The following SATB2 variants were observed in gnomAD, a reference collection of about 807,000 sequenced individuals.
SATB2 encodes the protein SATB homeobox 2.
A neutral mutation model predicts 73.4 loss-of-function variants in SATB2; 1 was observed. The ratio of observed to expected loss-of-function variants is 0.01; its 90% CI spans 0.00 to 0.06. The LOEUF (loss-of-function observed/expected upper bound fraction) is 0.06, where lower values mean the gene tolerates loss of function less well. Ranked by LOEUF, SATB2 falls within the 10% of genes least tolerant of loss-of-function variation. SATB2 has a pLI of 1.00. For missense variants in SATB2, 459 were observed against 945.8 expected, an observed-to-expected ratio of 0.49 and a Z score of 6.75; for synonymous variants, 397 against 367.0, an observed-to-expected ratio of 1.08 and a Z score of -0.93.
rs902390068 is a variant in SATB2 at position 199,395,758 on chromosome 2, C to A, written c.347-13938G>T. On this transcript the variant is annotated intron_variant, in intron 3 of 10. Coordinates refer to ENST00000417098, the MANE Select transcript of SATB2 (RefSeq NM_001172509.2). The stretch of plus-strand genomic sequence containing the variant: ...AAAAGCTTTGCAATTCTTGCCCTTG[C>A]TATCAAATTACTTGAAGACACAAAA... 5 of 152,274 alleles carry A rather than the reference C, an allele frequency of 3.3e-5. No homozygotes were observed. The East Asian group carries it at 9.6e-4, about 29-fold the overall frequency. 9.4% of individuals were successfully genotyped at this position (152,274 alleles called of 1,614,324 possible).
intron 10 of SATB2, among the ~76,000 whole-genome samples, chr2:199,286,591 G>A (rs769124169): frequency 1.3e-5 from 2 of 151,980 alleles, no homozygotes; most frequent in African/African-American, 2.4e-5. Flanking sequence ...ACCATCCCCA[G>A]CCCACCCACC....
chr2:199,421,497 C>T (rs1691167848), intron 3 of SATB2, among the ~76,000 whole-genome samples: 1 of 152,214 alleles, frequency 6.6e-6, no homozygotes, highest in Non-Finnish European at 1.5e-5. Context: ...AAATCTCCAT[C>T]CTACTGCACA....
At chr2:199,439,272 T>C (rs1397521905) in intron 2 of SATB2, among the ~76,000 whole-genome samples, 1 of 152,228 alleles carries the variant, frequency 6.6e-6, no homozygotes, top group Non-Finnish European at 1.5e-5. Flanking sequence ...CCACCAGCAC[T>C]CCTGAATGAC....
At position 199,348,423 on chromosome 2, in the gene SATB2, G is replaced by C. The variant is rs150912592; in HGVS notation, c.1173+278C>G. On this transcript the variant is annotated intron_variant, in intron 7 of 10. Coordinates refer to ENST00000417098, the MANE Select transcript of SATB2 (RefSeq NM_001172509.2). ...TGCAAACAGTAAATGGAGAGGATGA[G>C]AGAGTACATACCCAAGTCATTAGTA... 8.0e-3 allele frequency: 3,329 copies of C among 414,944 alleles called. 27 individuals are homozygous for C. Among genetic ancestry groups the C allele is most frequent in the South Asian group, 0.016 (624 of 39,260 alleles). 25.7% of individuals were successfully genotyped at this position (414,944 alleles called of 1,614,324 possible).
chr2:199,385,943 C>A (rs185688931), intron 3 of SATB2, among the ~76,000 whole-genome samples: 104 of 152,058 alleles, frequency 6.8e-4, no homozygotes, highest in Non-Finnish European at 1.2e-3. Context: ...CAATGCCTAC[C>A]CTTTAGGGTT....
intron 3 of SATB2, among the ~76,000 whole-genome samples, chr2:199,427,533 C>A (rs1371143039): frequency 6.6e-6 from 1 of 151,766 alleles, no homozygotes; most frequent in Non-Finnish European, 1.5e-5. Context: ...TAGTCTTTAT[C>A]TTTTAGAGAT....
At chr2:199,391,094 G>C (rs769102858) in intron 3 of SATB2, among the ~76,000 whole-genome samples, 27 of 152,110 alleles carry the variant, frequency 1.8e-4, no homozygotes, top group African/African-American at 6.3e-4. Flanking sequence ...GGCTATAACT[G>C]GTAGAAGTGG....
At chr2:199,298,321 C>T (rs907246033) in intron 10 of SATB2, among the ~76,000 whole-genome samples, 3 of 152,192 alleles carry the variant, frequency 2.0e-5, no homozygotes, top group African/African-American at 4.8e-5. Context: ...AATTCAAACC[C>T]AGATCTTCTG....
chr2:199,276,804 T>C (rs563425405), intron 10 of SATB2, among the ~76,000 whole-genome samples: 1 of 152,224 alleles, frequency 6.6e-6, no homozygotes, highest in East Asian at 1.9e-4. Context: ...AAATCCCCAT[T>C]GATAGTACCT....
chr2:199,411,090 T>C (rs1270517045), intron 3 of SATB2, among the ~76,000 whole-genome samples: 1 of 152,120 alleles, frequency 6.6e-6, no homozygotes, highest in Non-Finnish European at 1.5e-5. Context: ...ACAATACTAC[T>C]ATGTATCAAA....
intron 3 of SATB2, among the ~76,000 whole-genome samples, chr2:199,411,257 C>T (rs1214048217): frequency 6.6e-6 from 1 of 151,996 alleles, no homozygotes; most frequent in African/African-American, 2.4e-5. Flanking sequence ...TCCTCCCACT[C>T]TCACTTAAAA....
intron 7 of SATB2, among the ~76,000 whole-genome samples, chr2:199,341,443 G>A (rs922014148): frequency 6.6e-6 from 1 of 152,162 alleles, no homozygotes; most frequent in African/African-American, 2.4e-5. Context: ...TTTGGACCCA[G>A]TAAGGACAGT....
chr2:199,365,223 T>G (rs75438345), intron 6 of SATB2, among the ~76,000 whole-genome samples: 2,723 of 152,174 alleles, frequency 0.018, 85 homozygotes, highest in African/African-American at 0.061. Flanking sequence ...TACTTTTTTT[T>G]TTCTTATACT....
At position 199,457,004 on chromosome 2, in the gene SATB2, C is replaced by A. The variant is rs1484862593; in HGVS notation, c.-60+335G>T. 6.6e-6 allele frequency among the ~76,000 whole-genome samples: 1 copy of A among 151,632 alleles called. No homozygotes were observed. Among genetic ancestry groups the A allele is most frequent in the African/African-American group, 2.4e-5 (1 of 41,270 alleles). On this transcript the variant is annotated intron_variant, in intron 1 of 10. Transcript: ENST00000417098. This position sits in a 1 kb window ranked among gnomAD's most constrained non-coding sequence, Gnocchi z 4.8. ...GGGGGGCGGGGAAGGAGGGGAAACACCTGATGAAACGGCGCTCGCGTTGTC... is the reference window on the plus strand; with the variant it reads ...GGGGGGCGGGGAAGGAGGGGAAACAACTGATGAAACGGCGCTCGCGTTGTC...
At chr2:199,378,035 T>C (rs1370738436) in intron 5 of SATB2, among the ~76,000 whole-genome samples, 1 of 152,166 alleles carries the variant, frequency 6.6e-6, no homozygotes, top group Admixed American at 6.5e-5. Flanking sequence ...AATACAATGA[T>C]GCCCAGCTTA....
intron 10 of SATB2, among the ~76,000 whole-genome samples, chr2:199,282,471 T>C (rs577884625): frequency 7.3e-4 from 111 of 152,302 alleles, no homozygotes; most frequent in African/African-American, 2.5e-3. Flanking sequence ...CAGTTTCTAC[T>C]GCAAAACCAC....
chr2:199,375,328 C>G (rs911787955), intron 5 of SATB2, among the ~76,000 whole-genome samples: 1 of 152,172 alleles, frequency 6.6e-6, no homozygotes, highest in African/African-American at 2.4e-5. Context: ...ACAGAGACAT[C>G]AGAGGAAAAG....
chr2:199,272,746 A>T lies in SATB2; in HGVS notation c.1741-74T>A. The stretch of plus-strand genomic sequence containing the variant: ...TTTCCAAAACCATCAGCCCTCTGAA[A>T]TATGTGTTATCTATCTAGCACTGGA... On this transcript the variant is annotated intron_variant, in intron 10 of 10. Transcript: ENST00000417098. The surrounding 1 kb of genome is among the most constrained non-coding windows in gnomAD (Gnocchi z 6.7). 1 of 1,341,194 alleles carries T rather than the reference A, an allele frequency of 7.5e-7. No homozygotes were observed. The highest frequency in any genetic ancestry group is 1.1e-6 in the Non-Finnish European group (1 of 932,478). 83.1% of individuals were successfully genotyped at this position (1,341,194 alleles called of 1,614,324 possible).
intron 9 of SATB2, among the ~76,000 whole-genome samples, chr2:199,316,682 G>C (rs1687744182): frequency 6.6e-6 from 1 of 151,946 alleles, no homozygotes; most frequent in African/African-American, 2.4e-5. Flanking sequence ...AAGTCAAGAG[G>C]GGATTACACA....
Sources: allele counts gnomAD v4.1 joint callset (sites outside exome capture counted in the v4.1 genomes callset), GRCh38; gene constraint gnomAD v4.1.1; non-coding constraint Gnocchi (gnomAD v3.1); transcripts MANE v1.5; gene names NCBI Gene and HGNC (gene_info 2026-07-23, HGNC 2026-07-21).